Variants in RABEPK observed in about 807,000 individuals in gnomAD.
RABEPK encodes 40 kDa Rab9 effector protein.
A neutral mutation model predicts 34.1 loss-of-function variants in RABEPK; 27 were observed. The observed-to-expected ratio is 0.79, with a 90% CI of 0.58 to 1.09. The LOEUF (loss-of-function observed/expected upper bound fraction) is 1.09. Ranked by LOEUF, RABEPK falls within the 50% of genes least tolerant of loss-of-function variation. The pLI, the probability that RABEPK is intolerant of heterozygous loss-of-function variation, is 0.00. For missense variants in RABEPK, 449 were observed against 462.6 expected (o/e 0.97, Z 0.27); for synonymous variants, 172 against 169.2 (o/e 1.02, Z -0.13).
intron 4 of RABEPK, among the ~76,000 whole-genome samples, chr9:125,216,220 G>A (rs56748831): frequency 0.042 from 6,374 of 152,038 alleles, 342 homozygotes; most frequent in East Asian, 0.22. Flanking sequence ...TTGAACCCTG[G>A]AGGCAGAGGT....
intron 1 of RABEPK, 79 bp downstream of exon 1, chr9:125,200,985 G>C (rs1419930973): frequency 2.6e-6 from 1 of 386,164 alleles, no homozygotes; most frequent in Non-Finnish European, 5.3e-6. Flanking sequence ...CTCCATGCCA[G>C]GTCCATTGGT....
chr9:125,224,226 C>G lies in RABEPK; in HGVS notation c.526+3526C>G, dbSNP rs377352699. Reference sequence around the variant, plus strand: ...ACAAAAACAAAACAAAAAAAAAAAACAACAGAGTTTTTGCAGTACTCCTTT... The same window carrying G: ...ACAAAAACAAAACAAAAAAAAAAAAGAACAGAGTTTTTGCAGTACTCCTTT... On this transcript the variant is annotated intron_variant, in intron 5 of 7. Transcript: ENST00000373538. Among the ~76,000 whole-genome samples, 776 of 146,140 alleles carry G rather than the reference C, an allele frequency of 5.3e-3. 8 individuals are homozygous for G. Among genetic ancestry groups the G allele is most frequent in the African/African-American group, 0.018 (734 of 39,812 alleles).
At chr9:125,205,709 C>T (rs1022087099) in intron 2 of RABEPK, among the ~76,000 whole-genome samples, 4 of 152,074 alleles carry the variant, frequency 2.6e-5, no homozygotes, top group African/African-American at 9.7e-5. Flanking sequence ...AGGATGGTCT[C>T]AATCTCTTGA....
At chr9:125,217,958 C>T (rs1268189241) in intron 4 of RABEPK, among the ~76,000 whole-genome samples, 1 of 152,000 alleles carries the variant, frequency 6.6e-6, no homozygotes, top group Admixed American at 6.6e-5. Context: ...GGATGTAGAC[C>T]TTTTACAAAA....
At chr9:125,209,967 C>T (rs1367169433) in intron 3 of RABEPK, among the ~76,000 whole-genome samples, 6 of 152,092 alleles carry the variant, frequency 3.9e-5, no homozygotes, top group Admixed American at 6.6e-5. Context: ...GTTTCTTGTC[C>T]GTCTGCCCCA....
chr9:125,219,583 AG>A (rs1831183805), intron 4 of RABEPK, among the ~76,000 whole-genome samples: 1 of 145,430 alleles, frequency 6.9e-6, no homozygotes. Context: ...ATTTATTTTT[AG>A]TAGAGATGGG....
At position 125,220,629 on chromosome 9, in the gene RABEPK, T is replaced by C. The variant is rs768108779; in HGVS notation, c.455T>C (p.Leu152Pro). 3.1e-6 allele frequency: 5 copies of C among 1,614,002 alleles called. No homozygotes were observed. The highest frequency in any genetic ancestry group is 3.4e-6 in the Non-Finnish European group (4 of 1,180,034). ...TCATCGGCAGCCATTGGAAACCAGC[T>C]ATATGTCTTTGGGGGCGGAGAGAGA... ...HTSSAAIGNQ[L>P]YVFGGGERGA... Residue 152 changes from leucine to proline, a missense_variant, in exon 5 of 8, where the codon CTA becomes CCA. Coordinates refer to ENST00000373538, the MANE Select transcript of RABEPK (RefSeq NM_005833.4).
intron 2 of RABEPK, among the ~76,000 whole-genome samples, chr9:125,203,866 C>G (rs750648567): frequency 2.6e-5 from 4 of 151,118 alleles, no homozygotes; most frequent in Non-Finnish European, 4.4e-5. Flanking sequence ...AACCCCATCT[C>G]TACTAAAAAT....
chr9:125,207,752 T>G (rs769140923), intron 3 of RABEPK, 31 bp downstream of exon 3: 36 of 1,612,264 alleles, frequency 2.2e-5, no homozygotes, highest in Non-Finnish European at 2.9e-5. Flanking sequence ...GTACATGCCC[T>G]ATGGCCAGAG....
At chr9:125,227,857 G>A (rs963526713) in intron 5 of RABEPK, 53 bp from the exon 6 acceptor site, 34 of 1,478,988 alleles carry the variant, frequency 2.3e-5, no homozygotes, top group Middle Eastern at 1.8e-4. Context: ...CCTGTTTCTC[G>A]TGTTCTTTTT....
chr9:125,210,370 C>T (rs1158022354), intron 3 of RABEPK, among the ~76,000 whole-genome samples: 1 of 143,864 alleles, frequency 7.0e-6, no homozygotes, highest in Non-Finnish European at 1.5e-5. Flanking sequence ...TGCCACTGCA[C>T]TCCAGCCTGG....
intron 2 of RABEPK, among the ~76,000 whole-genome samples, chr9:125,204,203 G>A (rs1235754673): frequency 3.3e-5 from 5 of 151,736 alleles, no homozygotes; most frequent in Non-Finnish European, 5.9e-5. Context: ...GCGTGGTGGC[G>A]GGCATCTGTA....
Position 125,232,625 on chromosome 9 carries a change from A to C in RABEPK, c.706A>C (p.Thr236Pro), listed in dbSNP as rs751738105. Reference sequence around the variant, plus strand: ...CATGAAATGGCAGAAGCTAAATCCCACTGGGGCTGCTCCAGCAGGCTGTGC... The same window carrying C: ...CATGAAATGGCAGAAGCTAAATCCCCCTGGGGCTGCTCCAGCAGGCTGTGC... ...SDMKWQKLNP[T>P]GAAPAGCAAH... Residue 236 changes from threonine to proline, a missense_variant, in exon 7 of 8, where the codon ACT becomes CCT. Thr to Pro is a conservative substitution (Grantham distance 38). Transcript: ENST00000373538. The C allele has an allele frequency of 4.3e-6, 7 of 1,613,900 alleles. No homozygotes were observed. In the South Asian group the frequency reaches 7.7e-5, roughly 18 times the overall value.
intron 4 of RABEPK, among the ~76,000 whole-genome samples, chr9:125,219,191 C>CTTTTT (rs1831150312): frequency 9.2e-6 from 1 of 109,100 alleles, no homozygotes; most frequent in Non-Finnish European, 1.9e-5. Context: ...TTTTTCATTT[C>CTTTTT]TTTCTTTCTT....
intron 5 of RABEPK, chr9:125,220,996 A>G (rs1588382990): frequency 4.3e-6 from 1 of 231,276 alleles, no homozygotes; most frequent in Non-Finnish European, 8.4e-6. Flanking sequence ...CCTTTTCTCT[A>G]CTAAAAACAC....
chr9:125,233,672 TC>T lies in RABEPK; in HGVS notation c.827-13del. 1 of 1,604,206 alleles carries T rather than the reference TC, an allele frequency of 6.2e-7. No homozygotes were observed. Among genetic ancestry groups the T allele is most frequent in the Non-Finnish European group, 8.5e-7 (1 of 1,173,346 alleles). On this transcript the variant is annotated splice_polypyrimidine_tract_variant and intron_variant, in intron 7 of 7. Coordinates refer to ENST00000373538, the MANE Select transcript of RABEPK (RefSeq NM_005833.4). ...GGAAATTTCTTAACATGAAGCCTTT[TC>T]CCTCCCCAACATAGAAGAGCAGCAT...
chr9:125,214,380 A>G (rs1564181807), intron 4 of RABEPK, among the ~76,000 whole-genome samples: 1 of 152,188 alleles, frequency 6.6e-6, no homozygotes, highest in Admixed American at 6.6e-5. Context: ...CAGCCATCAC[A>G]GGGAAGAATT....
At chr9:125,210,659 G>C (rs1830526186) in intron 3 of RABEPK, among the ~76,000 whole-genome samples, 1 of 137,246 alleles carries the variant, frequency 7.3e-6, no homozygotes. Flanking sequence ...AGTGAGCCAA[G>C]ATTATGCCAC....
intron 4 of RABEPK, among the ~76,000 whole-genome samples, chr9:125,215,074 G>A (rs948102816): frequency 6.6e-6 from 1 of 152,052 alleles, no homozygotes; most frequent in Non-Finnish European, 1.5e-5. Context: ...ACAGGCATCA[G>A]CCAATGTGAC....
Sources: allele counts gnomAD v4.1 joint callset (sites outside exome capture counted in the v4.1 genomes callset), GRCh38; gene constraint gnomAD v4.1.1; transcripts MANE v1.5; gene names NCBI Gene and HGNC (gene_info 2026-07-23, HGNC 2026-07-21).